Variants in PPP1R15B observed in about 807,000 individuals in gnomAD.
The protein encoded by PPP1R15B is protein phosphatase 1 regulatory subunit 15B, also known as protein phosphatase 1, regulatory (inhibitor) subunit 15B.
In PPP1R15B, 31 loss-of-function variants were observed where a neutral mutation model predicts 53.9. The observed-to-expected ratio is 0.58, with a 90% CI of 0.43 to 0.78. The LOEUF is 0.78. Ranked by LOEUF, PPP1R15B falls within the 30% of genes least tolerant of loss-of-function variation. The pLI is 0.00. For synonymous variants in PPP1R15B, 345 were observed against 329.1 expected, an observed-to-expected ratio of 1.05 and a Z score of -0.52; for missense variants, 928 against 849.6, an observed-to-expected ratio of 1.09 and a Z score of -1.15.
In PPP1R15B at chr1:204,409,592, C is replaced by CAAGA; in HGVS notation, c.1816_1819dup (p.Cys607PhefsTer3). On this transcript the variant is annotated frameshift_variant, in exon 1 of 2. Transcript: ENST00000367188. LOFTEE classifies it high-confidence loss of function. The stretch of plus-strand genomic sequence containing the variant: ...TTGGCTCCCCAACAGCTGCACCTTA[C>CAAGA]AAGAAAGTAAGGTGTGACACTCAGA... The CAAGA allele has an allele frequency of 6.2e-7, 1 of 1,614,156 alleles. No individual in the cohort carries two copies.
chr1:204,411,240 T>C lies in PPP1R15B; in HGVS notation c.172A>G (p.Thr58Ala). The C allele has an allele frequency of 6.2e-7, 1 of 1,614,126 alleles. No homozygotes were observed. Among genetic ancestry groups the C allele is most frequent in the Non-Finnish European group, 8.5e-7 (1 of 1,180,016 alleles). The change falls in exon 1 of 2, where the codon ACT (threonine) becomes GCT (alanine). Residue 58 changes from threonine (T) to alanine (A), a missense_variant. By Grantham distance (58) the Thr-to-Ala change is moderately conservative. Coordinates refer to ENST00000367188, the MANE Select transcript of PPP1R15B (RefSeq NM_032833.5). ...AGTTTCGTCCAGTAACTGACCCGAG[T>C]CTCGGGCTGGGCAGAGGAAAGCAGT... Reference protein sequence around the residue: ...PTLLSSAQPETRVSYWTKLLS... With the variant: ...PTLLSSAQPEARVSYWTKLLS...
At position 204,405,962 on chromosome 1, in the gene PPP1R15B, A is replaced by G; in HGVS notation, c.*130T>C. On this transcript the variant is annotated 3_prime_UTR_variant, in exon 2 of 2. Transcript: ENST00000367188. ...AGTGGGATATGTTGCAAAAAAAAAA[A>G]TTAAACTAGATCCAAGTTACATTTC... 2 of 1,442,696 alleles carry G rather than the reference A, an allele frequency of 1.4e-6. No individual in the cohort carries two copies. Among genetic ancestry groups the G allele is most frequent in the Non-Finnish European group, 1.8e-6 (2 of 1,102,342 alleles). 89.4% of individuals were successfully genotyped at this position (1,442,696 alleles called of 1,614,324 possible). A position where few individuals can be genotyped will look rare whatever the true frequency, so the allele number is the denominator to read the frequency against.
downstream of PPP1R15B, among the ~76,000 whole-genome samples, chr1:204,396,354 A>C (rs1020567738): frequency 3.7e-5 from 4 of 109,206 alleles, no homozygotes; most frequent in Admixed American, 9.9e-5. Context: ...CTAAAAATAC[A>C]AAAAAAAAAA....
chr1:204,401,531 C>A (rs1674178246), downstream of PPP1R15B, among the ~76,000 whole-genome samples: 1 of 152,032 alleles, frequency 6.6e-6, no homozygotes, highest in Non-Finnish European at 1.5e-5. Flanking sequence ...TTTTAATGTA[C>A]CAAAAATGTC....
rs936785535 is a variant in PPP1R15B, at chr1:204,404,441, C to T, written c.*1651G>A. The T allele has an allele frequency of 3.8e-5, 28 of 737,136 alleles. No homozygotes were observed. The highest frequency in any genetic ancestry group is 4.6e-5 in the Non-Finnish European group (28 of 603,984). The allele number at this position is 737,136 out of a possible 1,614,324, so 45.7% of individuals were successfully genotyped here. Reference sequence around the variant, plus strand: ...CGGAGGTTGCAGTGAGCCGAGATCGCGCCACTGCACTCCAAGCTGGGGGAC... The same window carrying T: ...CGGAGGTTGCAGTGAGCCGAGATCGTGCCACTGCACTCCAAGCTGGGGGAC... On this transcript the variant is annotated 3_prime_UTR_variant, in exon 2 of 2. Coordinates refer to ENST00000367188, the MANE Select transcript of PPP1R15B (RefSeq NM_032833.5).
At position 204,411,566 on chromosome 1, in the gene PPP1R15B, C is replaced by T. The variant is rs1282299521; in HGVS notation, c.-155G>A. On this transcript the variant is annotated 5_prime_UTR_variant, in exon 1 of 2. Coordinates refer to ENST00000367188, the MANE Select transcript of PPP1R15B (RefSeq NM_032833.5). Reference sequence around the variant, plus strand: ...GAGCCAGCAGAAAAGCCACAGAGGGCAGCGAATGCGGCAGCGGGCGGCAGA... The same window carrying T: ...GAGCCAGCAGAAAAGCCACAGAGGGTAGCGAATGCGGCAGCGGGCGGCAGA... 3.9e-6 allele frequency: 4 copies of T among 1,028,210 alleles called. No individual in the cohort carries two copies. The African/African-American group carries it at 4.8e-5, about 12-fold the overall frequency. The allele number at this position is 1,028,210 out of a possible 1,614,324, so 63.7% of individuals were successfully genotyped here.
intron 1 of PPP1R15B, among the ~76,000 whole-genome samples, chr1:204,407,751 A>T (rs1371541881): frequency 3.3e-5 from 5 of 152,196 alleles, no homozygotes; most frequent in Non-Finnish European, 4.4e-5. Context: ...CCTATGAGGT[A>T]TGGACTATTA....
rs369039277 is a variant in PPP1R15B, at chr1:204,411,456, C to T, written c.-45G>A. Reference sequence around the variant, plus strand: ...TCTCAGGTAGGGCCGCGGCGCTCAGCGGCTGGAGGTCGACGGGATTCGGAG... The same window carrying T: ...TCTCAGGTAGGGCCGCGGCGCTCAGTGGCTGGAGGTCGACGGGATTCGGAG... On this transcript the variant is annotated 5_prime_UTR_variant, in exon 1 of 2. Coordinates refer to ENST00000367188, the MANE Select transcript of PPP1R15B (RefSeq NM_032833.5). 54 of 1,576,736 alleles carry T rather than the reference C, an allele frequency of 3.4e-5. No individual in the cohort carries two copies. Among genetic ancestry groups the T allele is most frequent in the African/African-American group, 6.7e-5 (5 of 74,164 alleles).
rs1191597945 is a variant in PPP1R15B at position 204,410,951 on chromosome 1, G to C, written c.461C>G (p.Pro154Arg). The C allele has an allele frequency of 6.2e-7, 1 of 1,614,122 alleles. No individual in the cohort carries two copies. Among genetic ancestry groups the C allele is most frequent in the Admixed American group, 1.7e-5 (1 of 60,020 alleles). ...EEGIHWQYSP[P>R]DLKLELKAKG... ...GGCCTTAAGCTCCAATTTTAGGTCTGGGGGCGAGTATTGCCAGTGGATCCC... is the reference window on the plus strand; with the variant it reads ...GGCCTTAAGCTCCAATTTTAGGTCTCGGGGCGAGTATTGCCAGTGGATCCC... The change falls in exon 1 of 2, where the codon CCA becomes CGA. Residue 154 changes from proline to arginine, a missense_variant. By Grantham distance (103) the Pro-to-Arg change is moderately radical. Coordinates refer to ENST00000367188, the MANE Select transcript of PPP1R15B (RefSeq NM_032833.5).
rs1209909387 is a variant in PPP1R15B at position 204,404,596 on chromosome 1, G to A, written c.*1496C>T. On this transcript the variant is annotated 3_prime_UTR_variant, in exon 2 of 2. Transcript: ENST00000367188. The stretch of plus-strand genomic sequence containing the variant: ...GTTTAATTATGAATATATAAACAGT[G>A]GAGGCAGTTCTTAGAACTGGATAGA... The A allele has an allele frequency of 1.0e-6, 1 of 984,902 alleles. No homozygotes were observed. Among genetic ancestry groups the A allele is most frequent in the East Asian group, 1.1e-4 (1 of 8,832 alleles). 61.0% of individuals were successfully genotyped at this position (984,902 alleles called of 1,614,324 possible). A position where few individuals can be genotyped will look rare whatever the true frequency, so the allele number is the denominator to read the frequency against.
chr1:204,411,041 A>C lies in PPP1R15B; in HGVS notation c.371T>G (p.Leu124Trp). 1 of 1,614,210 alleles carries C rather than the reference A, an allele frequency of 6.2e-7. No homozygotes were observed. Residue 124 changes from leucine (L) to tryptophan (W), a missense_variant, in exon 1 of 2, where the codon TTG (leucine) becomes TGG (tryptophan). Transcript: ENST00000367188. ...KPAAPTAQKS[L>W]SSLQLDSSDP... The stretch of plus-strand genomic sequence containing the variant: ...TGAGGAGTCGAGCTGCAGCGAACTC[A>C]AAGATTTCTGCGCTGTGGGGGCGGC...
rs1674244373 is a variant in PPP1R15B at position 204,405,208 on chromosome 1, A to AT, written c.*883_*884insA. 1 of 983,426 alleles carries AT rather than the reference A, an allele frequency of 1.0e-6. No homozygotes were observed. Among genetic ancestry groups the AT allele is most frequent in the African/African-American group, 1.7e-5 (1 of 57,188 alleles). The allele number at this position is 983,426 out of a possible 1,614,324, so 60.9% of individuals were successfully genotyped here. ...GATGTCTCCTATTTTCTTTCTAGGA[A>AT]ATTTCTAGGCTTTTAAGTTTAAAAA... On this transcript the variant is annotated 3_prime_UTR_variant, in exon 2 of 2. Coordinates refer to ENST00000367188, the MANE Select transcript of PPP1R15B (RefSeq NM_032833.5).
In PPP1R15B at chr1:204,405,877, T is replaced by A. The variant is rs2103444080; in HGVS notation, c.*215A>T. 1 of 1,316,512 alleles carries A rather than the reference T, an allele frequency of 7.6e-7. No individual in the cohort carries two copies. Among genetic ancestry groups the A allele is most frequent in the Non-Finnish European group, 9.7e-7 (1 of 1,032,088 alleles). The allele number at this position is 1,316,512 out of a possible 1,614,324, so 81.6% of individuals were successfully genotyped here. On this transcript the variant is annotated 3_prime_UTR_variant, in exon 2 of 2. Transcript: ENST00000367188. ...CCAACTAAATCAAAAAAGGGAGGAT[T>A]AGAAATCACACTAGTTCATCCTTCA...
Position 204,404,817 on chromosome 1 carries a change from C to T in PPP1R15B, c.*1275G>A. The stretch of plus-strand genomic sequence containing the variant: ...AAGGGTTAACAACCCCTCAACCTAA[C>T]TTATGTGTACCTTGTAAAGCTAAAC... On this transcript the variant is annotated 3_prime_UTR_variant, in exon 2 of 2. Transcript: ENST00000367188. 1.0e-6 allele frequency: 1 copy of T among 985,846 alleles called. No individual in the cohort carries two copies. The highest frequency in any genetic ancestry group is 1.1e-4 in the East Asian group (1 of 8,816). The allele number at this position is 985,846 out of a possible 1,614,324, so 61.1% of individuals were successfully genotyped here.
At chr1:204,409,210 T>C (rs1572255773) in intron 1 of PPP1R15B, among the ~76,000 whole-genome samples, 1 of 152,118 alleles carries the variant, frequency 6.6e-6, no homozygotes, top group African/African-American at 2.4e-5. Flanking sequence ...TTGAAGCTTG[T>C]AAGGAAACAG....
At chr1:204,407,872 T>C (rs948220954) in intron 1 of PPP1R15B, among the ~76,000 whole-genome samples, 6 of 152,194 alleles carry the variant, frequency 3.9e-5, no homozygotes, top group Admixed American at 2.0e-4. Flanking sequence ...TATATACCAA[T>C]GGCAGGTAGT....
chr1:204,405,526 G>C lies in PPP1R15B; in HGVS notation c.*566C>G. On this transcript the variant is annotated 3_prime_UTR_variant, in exon 2 of 2. Transcript: ENST00000367188. Reference sequence around the variant, plus strand: ...TTTTCAATCCAAGTCATTTTTACAAGAAAAAAAAAAGTGACACAAAATAAT... The same window carrying C: ...TTTTCAATCCAAGTCATTTTTACAACAAAAAAAAAAGTGACACAAAATAAT... 1.1e-6 allele frequency: 1 copy of C among 912,378 alleles called. No homozygotes were observed. The highest frequency in any genetic ancestry group is 1.3e-6 in the Non-Finnish European group (1 of 767,808). 56.5% of individuals were successfully genotyped at this position (912,378 alleles called of 1,614,324 possible).
rs1027111028 is a variant in PPP1R15B at position 204,406,468 on chromosome 1, T to TA, written c.1921-156dup. Among the ~76,000 whole-genome samples the TA allele has an allele frequency of 9.3e-5, 14 of 151,324 alleles. No homozygotes were observed. In the East Asian group the frequency reaches 9.7e-4, roughly 10 times the overall value. On this transcript the variant is annotated intron_variant, in intron 1 of 1. Transcript: ENST00000367188. ...ATTTGGTCCCAGCTATATTTGAAGTTAAAAAAAAAGTTCTGTCACGCCTGT... is the reference window on the plus strand; with the variant it reads ...ATTTGGTCCCAGCTATATTTGAAGTTAAAAAAAAAAGTTCTGTCACGCCTGT...
rs1158195099 is a variant in PPP1R15B at position 204,404,346 on chromosome 1, G to T, written c.*1746C>A. 3.9e-6 allele frequency: 2 copies of T among 512,018 alleles called. No individual in the cohort carries two copies. Among genetic ancestry groups the T allele is most frequent in the African/African-American group, 2.1e-5 (1 of 47,816 alleles). 31.7% of individuals were successfully genotyped at this position (512,018 alleles called of 1,614,324 possible). On this transcript the variant is annotated 3_prime_UTR_variant, in exon 2 of 2. Transcript: ENST00000367188. ...AAAAGACACAAAAAATTAGCCGGGCGTGGTGGTGTGTGCCTGTAATCCCAG... is the reference window on the plus strand; with the variant it reads ...AAAAGACACAAAAAATTAGCCGGGCTTGGTGGTGTGTGCCTGTAATCCCAG...
Sources: gnomAD v4.1 joint callset for allele counts (sites outside exome capture counted in the v4.1 genomes callset) on GRCh38, gnomAD v4.1.1 for gene constraint, MANE v1.5 for transcripts, NCBI Gene and HGNC (gene_info 2026-07-23, HGNC 2026-07-21) for gene names.